Variants in SNX13 observed in about 807,000 individuals in gnomAD.
The protein encoded by SNX13 is sorting nexin 13, also known as sorting nexin-13.
Under a neutral mutation model 133.6 loss-of-function variants are expected in SNX13, and 45 were observed. The ratio of observed to expected loss-of-function variants is 0.34; its 90% CI spans 0.27 to 0.43. SNX13 has a LOEUF of 0.43. Among genes scored for constraint, SNX13 ranks in the 20% least tolerant of loss-of-function variants. SNX13 has a pLI of 1.00. For synonymous variants in SNX13, 414 were observed against 373.9 expected, an observed-to-expected ratio of 1.11 and a Z score of -1.24; for missense variants, 1,032 against 1,145.1, an observed-to-expected ratio of 0.90 and a Z score of 1.43.
At chr7:17,853,958 GAAAA>G (rs552421485) in intron 9 of SNX13, among the ~76,000 whole-genome samples, 1 of 143,812 alleles carries the variant, frequency 7.0e-6, no homozygotes, top group African/African-American at 2.6e-5. Context: ...AATAAAAAAA[GAAAA>G]AAAAAGAAAA....
intron 21 of SNX13, 121 bp from the exon 22 acceptor site, chr7:17,801,780 C>A (rs1784674306): frequency 1.7e-6 from 1 of 599,770 alleles, no homozygotes; most frequent in Non-Finnish European, 2.7e-6. Flanking sequence ...AATATATAAG[C>A]CAAATTTAAC....
At chr7:17,909,656 G>A (rs902119835) in intron 1 of SNX13, among the ~76,000 whole-genome samples, 8 of 127,390 alleles carry the variant, frequency 6.3e-5, no homozygotes, top group South Asian at 6.7e-4. Context: ...AGTAGAAGCT[G>A]AATGATGAGA....
rs1784365374 is a variant in SNX13 at position 17,799,159 on chromosome 7, C to T, written c.2299-5G>A. On this transcript the variant is annotated splice_region_variant and splice_polypyrimidine_tract_variant and intron_variant, in intron 22 of 25. Coordinates refer to ENST00000428135, the MANE Select transcript of SNX13 (RefSeq NM_015132.5). ...AAGTGGAATATTGTCATCCACCTGA[C>T]AAAATATAAGAAATAAGAATAAGTT... The T allele has an allele frequency of 1.3e-6, 2 of 1,591,522 alleles. No homozygotes were observed. The highest frequency in any genetic ancestry group is 3.6e-5 in the Admixed American group (2 of 56,236).
chr7:17,915,396 A>G (rs1799434517), intron 1 of SNX13, among the ~76,000 whole-genome samples: 1 of 152,208 alleles, frequency 6.6e-6, no homozygotes. Context: ...GGGAGGTCAC[A>G]AGAAATGTGG....
At chr7:17,796,232 C>A (rs1784037845) in intron 25 of SNX13, 1 of 151,736 alleles carries the variant, frequency 6.6e-6, no homozygotes, top group Admixed American at 6.6e-5. Flanking sequence ...GATAGCTATA[C>A]CCTAATGAAG....
At chr7:17,859,869 T>C (rs1179965111) in intron 9 of SNX13, among the ~76,000 whole-genome samples, 2 of 152,196 alleles carry the variant, frequency 1.3e-5, no homozygotes, top group Non-Finnish European at 2.9e-5. Context: ...TTTTACTGTA[T>C]GTATATACCA....
At chr7:17,875,991 A>G (rs925549748) in intron 5 of SNX13, among the ~76,000 whole-genome samples, 1 of 152,210 alleles carries the variant, frequency 6.6e-6, no homozygotes, top group Non-Finnish European at 1.5e-5. Context: ...TTCTAACAAT[A>G]TTACTTGAAT....
chr7:17,874,198 AT>A (rs1161982418), intron 7 of SNX13, among the ~76,000 whole-genome samples: 1 of 152,120 alleles, frequency 6.6e-6, no homozygotes, highest in Non-Finnish European at 1.5e-5. Flanking sequence ...TTATATGTGG[AT>A]TTTTTTCAGT....
At chr7:17,852,434 G>C (rs1406314444) in intron 9 of SNX13, among the ~76,000 whole-genome samples, 1 of 152,000 alleles carries the variant, frequency 6.6e-6, no homozygotes, top group Non-Finnish European at 1.5e-5. Flanking sequence ...AGGATAAACT[G>C]TGTCAAGCAT....
intron 1 of SNX13, among the ~76,000 whole-genome samples, chr7:17,901,040 T>C (rs1327018782): frequency 6.6e-6 from 1 of 152,120 alleles, no homozygotes; most frequent in African/African-American, 2.4e-5. Context: ...GCAATCAATC[T>C]TGCCCGGACT....
rs575392881 is a variant in SNX13, at chr7:17,850,322, G to A, written c.1065+25C>T. On this transcript the variant is annotated intron_variant, in intron 11 of 25. Transcript: ENST00000428135. ...TATAGTATAGTATTTATAACTAAAC[G>A]TTAATTCAAAACTACTTTACTTACT... The A allele has an allele frequency of 8.4e-5, 125 of 1,493,486 alleles. 1 individual carries two copies. Among genetic ancestry groups the A allele is most frequent in the Middle Eastern group, 1.7e-4 (1 of 5,720 alleles). 92.5% of individuals were successfully genotyped at this position (1,493,486 alleles called of 1,614,324 possible).
intron 1 of SNX13, among the ~76,000 whole-genome samples, chr7:17,915,458 T>C (rs1294576275): frequency 2.2e-4 from 33 of 152,322 alleles, no homozygotes; most frequent in Middle Eastern, 6.8e-3. Flanking sequence ...AGCCCGTCAA[T>C]GATATGCGGT....
intron 1 of SNX13, among the ~76,000 whole-genome samples, chr7:17,930,304 G>C (rs1299091725): frequency 6.6e-6 from 1 of 152,056 alleles, no homozygotes; most frequent in Non-Finnish European, 1.5e-5. Flanking sequence ...AAAATGCTCG[G>C]AATCGAGAAA....
At chr7:17,850,266 T>A in intron 11 of SNX13, 81 bp downstream of exon 11, 1 of 834,914 alleles carries the variant, frequency 1.2e-6, no homozygotes, top group Admixed American at 3.7e-5. Context: ...AACGTCCTGC[T>A]TTTTGTCCTT....
At chr7:17,921,622 T>C (rs543142322) in intron 1 of SNX13, among the ~76,000 whole-genome samples, 2 of 152,320 alleles carry the variant, frequency 1.3e-5, no homozygotes, top group East Asian at 3.9e-4. Context: ...AAGCCCCTGT[T>C]GTTCCTGTAT....
At chr7:17,821,760 G>T in intron 17 of SNX13, 112 bp from the exon 18 acceptor site, 1 of 1,218,896 alleles carries the variant, frequency 8.2e-7, no homozygotes, top group Non-Finnish European at 1.1e-6. Flanking sequence ...AAGATAATAT[G>T]AAATGAAGAA....
chr7:17,896,382 T>C (rs1334968797), intron 2 of SNX13, among the ~76,000 whole-genome samples: 1 of 152,172 alleles, frequency 6.6e-6, no homozygotes, highest in Non-Finnish European at 1.5e-5. Flanking sequence ...ATGCTCCCTA[T>C]AGAAAGACTA....
intron 15 of SNX13, chr7:17,832,292 A>G: frequency 1.0e-6 from 1 of 984,670 alleles, no homozygotes; most frequent in Non-Finnish European, 1.2e-6. Flanking sequence ...CAGACTGGCT[A>G]GAAAGATATG....
At chr7:17,920,200 T>C (rs1274130260) in intron 1 of SNX13, among the ~76,000 whole-genome samples, 1 of 152,166 alleles carries the variant, frequency 6.6e-6, no homozygotes, top group African/African-American at 2.4e-5. Flanking sequence ...TGATATCTAT[T>C]TCGCTTAGTA....
Sources: gnomAD v4.1 joint callset for allele counts (sites outside exome capture counted in the v4.1 genomes callset) on GRCh38, gnomAD v4.1.1 for gene constraint, MANE v1.5 for transcripts, NCBI Gene and HGNC (gene_info 2026-07-23, HGNC 2026-07-21) for gene names.